Variants in IQCE observed in about 807,000 individuals in gnomAD.
The protein encoded by IQCE is IQ motif containing E.
IQCE carries 115 observed loss-of-function variants against 96.0 expected under a neutral mutation model. The ratio of observed to expected loss-of-function variants is 1.20; its 90% confidence interval spans 1.03 to 1.40. IQCE has a LOEUF of 1.40. IQCE is among the 40% of genes most tolerant of loss of function. The probability of loss-of-function intolerance (pLI) is 0.00; values close to 1 mark genes in which losing one functional copy is unlikely to be tolerated. For synonymous variants in IQCE, 412 were observed against 371.2 expected (o/e 1.11, Z -1.26); for missense variants, 1,041 against 909.1 (o/e 1.15, Z -1.87).
At chr7:2,559,890 G>GT (rs1250892102) in intron 1 of IQCE, among the ~76,000 whole-genome samples, 1 of 152,116 alleles carries the variant, frequency 6.6e-6, no homozygotes, top group Admixed American at 6.6e-5. Context: ...GCTCAGGCCG[G>GT]TAGTCCCCCG....
chr7:2,597,505 G>A (rs73033694), intron 16 of IQCE, among the ~76,000 whole-genome samples: 18,903 of 152,280 alleles, frequency 0.12, 1,235 homozygotes, highest in Admixed American at 0.16. Flanking sequence ...CGCCTGGCCC[G>A]GTGTGCACTG....
chr7:2,604,842 T>G, intron 18 of IQCE, 39 bp from the exon 19 acceptor site: 2 of 1,534,460 alleles, frequency 1.3e-6, no homozygotes, highest in East Asian at 4.5e-5. Context: ...CCCCGGGCAC[T>G]CACACCCACT....
chr7:2,583,835 A>T lies in IQCE; in HGVS notation c.774+126A>T, dbSNP rs1372621159. The T allele has an allele frequency of 6.6e-5, 4 of 60,638 alleles. No individual in the cohort carries two copies. In the East Asian group the frequency reaches 2.5e-3, roughly 38 times the overall value. The allele number at this position is 60,638 out of a possible 1,614,324, so 3.8% of individuals were successfully genotyped here. On this transcript the variant is annotated intron_variant, in intron 10 of 21. Coordinates refer to ENST00000402050, the MANE Select transcript of IQCE (RefSeq NM_152558.5). Reference sequence around the variant, plus strand: ...GTGCTGGGCGGCGGGGCGGGCACCGAGCTGGGCGGCGGGGCGGAGGGCGGG... The same window carrying T: ...GTGCTGGGCGGCGGGGCGGGCACCGTGCTGGGCGGCGGGGCGGAGGGCGGG...
intron 14 of IQCE, among the ~76,000 whole-genome samples, chr7:2,592,339 G>A (rs1783665529): frequency 6.6e-6 from 1 of 152,230 alleles, no homozygotes; most frequent in African/African-American, 2.4e-5. Flanking sequence ...AAAACATTAA[G>A]GTAGTCATTA....
At chr7:2,609,837 G>A (rs1456156580) in intron 21 of IQCE, among the ~76,000 whole-genome samples, 2 of 152,122 alleles carry the variant, frequency 1.3e-5, no homozygotes, top group East Asian at 1.9e-4. Flanking sequence ...TCTGGCAGGT[G>A]TGTGAGTTGG....
At chr7:2,561,631 C>T (rs1457555424) in intron 1 of IQCE, among the ~76,000 whole-genome samples, 1 of 151,860 alleles carries the variant, frequency 6.6e-6, no homozygotes, top group Non-Finnish European at 1.5e-5. Context: ...CCTTGTTAGC[C>T]AGGATGGTCT....
At chr7:2,595,013 C>T (rs774022093) in intron 16 of IQCE, 37 bp downstream of exon 16, 15 of 1,428,010 alleles carry the variant, frequency 1.1e-5, no homozygotes, top group Admixed American at 3.3e-5. Context: ...CCGTCAGGTG[C>T]GGTGAGACTT....
chr7:2,607,414 C>T (rs12700160), intron 21 of IQCE, 187 bp downstream of exon 21: 2 of 1,348,174 alleles, frequency 1.5e-6, no homozygotes, highest in African/African-American at 3.0e-5. Flanking sequence ...CCGCCTTGGC[C>T]CAGCTTGTCC....
At chr7:2,578,580 A>T (rs1583429521) in intron 8 of IQCE, 54 bp downstream of exon 8, 18 of 1,591,816 alleles carry the variant, frequency 1.1e-5, no homozygotes, top group Non-Finnish European at 3.4e-6. Context: ...GTTACTGGGG[A>T]CAGCCACAGA....
intron 13 of IQCE, 41 bp downstream of exon 13, chr7:2,587,918 G>T: frequency 6.3e-7 from 1 of 1,589,832 alleles, no homozygotes; most frequent in South Asian, 1.1e-5. Flanking sequence ...GGGGACCAGG[G>T]GCCTCATGCT....
chr7:2,591,264 G>C (rs1783560930), intron 14 of IQCE, among the ~76,000 whole-genome samples: 1 of 151,328 alleles, frequency 6.6e-6, no homozygotes, highest in African/African-American at 2.4e-5. Context: ...AAAAAAAAAC[G>C]AAGGAAGACA....
rs374631772 is a variant in IQCE at position 2,571,383 on chromosome 7, C to A, written c.131-143C>A. On this transcript the variant is annotated intron_variant, in intron 3 of 21. Transcript: ENST00000402050. Reference sequence around the variant, plus strand: ...ATGTCAGTATATAGGTAAAGTAACTCTTTTTTCATTTTTGCCAGAATGTTT... The same window carrying A: ...ATGTCAGTATATAGGTAAAGTAACTATTTTTTCATTTTTGCCAGAATGTTT... 3 of 1,024,292 alleles carry A rather than the reference C, an allele frequency of 2.9e-6. No individual in the cohort carries two copies. In the African/African-American group the frequency reaches 4.8e-5, roughly 17 times the overall value. 63.5% of individuals were successfully genotyped at this position (1,024,292 alleles called of 1,614,324 possible).
intron 1 of IQCE, among the ~76,000 whole-genome samples, chr7:2,566,359 A>G (rs543213983): frequency 1.3e-5 from 2 of 149,872 alleles, no homozygotes; most frequent in South Asian, 2.1e-4. Context: ...CATTCCCTGG[A>G]CCAGGACAAA....
intron 2 of IQCE, among the ~76,000 whole-genome samples, chr7:2,568,204 C>T (rs1353919939): frequency 6.6e-6 from 1 of 152,222 alleles, no homozygotes; most frequent in African/African-American, 2.4e-5. Flanking sequence ...CCCTTAAGTA[C>T]TTCACACAAG....
intron 3 of IQCE, among the ~76,000 whole-genome samples, chr7:2,570,963 A>C (rs555236898): frequency 1.3e-5 from 2 of 152,340 alleles, no homozygotes; most frequent in African/African-American, 4.8e-5. Context: ...TGGGGGTGAG[A>C]AATTAAATGC....
At position 2,559,234 on chromosome 7, in the gene IQCE, G is replaced by A. The variant is rs1780729380; in HGVS notation, c.36+17G>A. The A allele has an allele frequency of 5.8e-6, 7 of 1,209,682 alleles. No homozygotes were observed. In the South Asian group the frequency reaches 2.5e-4, roughly 43 times the overall value. 74.9% of individuals were successfully genotyped at this position (1,209,682 alleles called of 1,614,324 possible). A position where few individuals can be genotyped will look rare whatever the true frequency, so the allele number is the denominator to read the frequency against. Reference sequence around the variant, plus strand: ...TTGGACACGGTAAGAACGGGCGAGGGGGCGACGCCGGGCGGGCGTCCGCGA... The same window carrying A: ...TTGGACACGGTAAGAACGGGCGAGGAGGCGACGCCGGGCGGGCGTCCGCGA... On this transcript the variant is annotated intron_variant, in intron 1 of 21. Coordinates refer to ENST00000402050, the MANE Select transcript of IQCE (RefSeq NM_152558.5).
intron 1 of IQCE, among the ~76,000 whole-genome samples, chr7:2,566,839 G>C (rs552863295): frequency 7.2e-5 from 11 of 152,346 alleles, no homozygotes; most frequent in Admixed American, 5.2e-4. Flanking sequence ...TCTTTGTCAA[G>C]ACACAATTCT....
chr7:2,605,554 A>C (rs557348444), intron 19 of IQCE, among the ~76,000 whole-genome samples: 2 of 152,240 alleles, frequency 1.3e-5, no homozygotes, highest in East Asian at 3.9e-4. Context: ...CGGAAGGCGG[A>C]GCTTACAGTG....
rs964712940 is a variant in IQCE at position 2,596,754 on chromosome 7, G to A, written c.1441-1711G>A. ...TTCTGATCACATTGGCACAGGCCGCGGACTAACAGATGATCTCACTTTAGC... is the reference window on the plus strand; with the variant it reads ...TTCTGATCACATTGGCACAGGCCGCAGACTAACAGATGATCTCACTTTAGC... On this transcript the variant is annotated intron_variant, in intron 16 of 21. Coordinates refer to ENST00000402050, the MANE Select transcript of IQCE (RefSeq NM_152558.5). 34 of 334,328 alleles carry A rather than the reference G, an allele frequency of 1.0e-4. No homozygotes were observed. The Admixed American group carries it at 1.1e-3, about 11-fold the overall frequency. The allele number at this position is 334,328 out of a possible 1,614,324, so 20.7% of individuals were successfully genotyped here. A position where few individuals can be genotyped will look rare whatever the true frequency, so the allele number is the denominator to read the frequency against.
Sources: gnomAD v4.1 joint callset for allele counts (sites outside exome capture counted in the v4.1 genomes callset) on GRCh38, gnomAD v4.1.1 for gene constraint, MANE v1.5 for transcripts, NCBI Gene and HGNC (gene_info 2026-07-23, HGNC 2026-07-21) for gene names.